ADK: variants seen among roughly 807,000 people sequenced by gnomAD.
The protein encoded by ADK is adenosine kinase, also known as N6,N6-dimethyladenosine kinase.
In ADK, 24 loss-of-function variants were observed where a neutral mutation model predicts 44.7. The ratio of observed to expected loss-of-function variants is 0.54; its 90% CI spans 0.39 to 0.76. The LOEUF is 0.76. ADK is among the 30% of genes least tolerant of loss of function. The pLI, the probability that ADK is intolerant of heterozygous loss-of-function variation, is 0.00. For synonymous variants in ADK, 128 were observed against 142.6 expected, an observed-to-expected ratio of 0.90 and a Z score of 0.73; for missense variants, 321 against 425.1, an observed-to-expected ratio of 0.76 and a Z score of 2.15.
chr10:74,241,649 GT>G (rs1845214080), intron 3 of ADK, among the ~76,000 whole-genome samples: 1 of 152,170 alleles, frequency 6.6e-6, no homozygotes, highest in African/African-American at 2.4e-5. Context: ...GCCTCCCAAA[GT>G]GCTGGGATTA....
intron 9 of ADK, among the ~76,000 whole-genome samples, chr10:74,652,398 A>G (rs1477970362): frequency 1.3e-5 from 2 of 152,108 alleles, no homozygotes; most frequent in Non-Finnish European, 2.9e-5. Context: ...AGAACTTTCT[A>G]CAGAACTATC....
At chr10:74,419,765 A>G (rs1836565762) in intron 6 of ADK, among the ~76,000 whole-genome samples, 1 of 152,216 alleles carries the variant, frequency 6.6e-6, no homozygotes, top group South Asian at 2.1e-4. Flanking sequence ...CATCGTTATT[A>G]CATTGAAGAC....
At position 74,440,980 on chromosome 10, in the gene ADK, T is replaced by C. The variant is rs181893984; in HGVS notation, c.555+42401T>C. Among the ~76,000 whole-genome samples, 336 of 152,298 alleles carry C rather than the reference T, an allele frequency of 2.2e-3. 5 individuals are homozygous for C. Among genetic ancestry groups the C allele is most frequent in the Admixed American group, 0.021 (322 of 15,300 alleles). On this transcript the variant is annotated intron_variant, in intron 6 of 10. Transcript: ENST00000539909. ...CATCTTCTAGGAAGAATAAGATCTA[T>C]TGTAATATAAACAAGAGTGATGAGT...
At chr10:74,581,055 CG>C (rs1851358451) in intron 7 of ADK, among the ~76,000 whole-genome samples, 2 of 143,918 alleles carry the variant, frequency 1.4e-5, no homozygotes, top group Non-Finnish European at 3.0e-5. Context: ...CACACACACA[CG>C]TATATATAAC....
chr10:74,705,977 C>T (rs1390270214), intron 10 of ADK, among the ~76,000 whole-genome samples: 2 of 152,056 alleles, frequency 1.3e-5, no homozygotes, highest in African/African-American at 4.8e-5. Context: ...TGAGTTGTTT[C>T]TTGTTATTGA....
At chr10:74,530,954 C>T (rs1019040059) in intron 7 of ADK, among the ~76,000 whole-genome samples, 2 of 152,070 alleles carry the variant, frequency 1.3e-5, no homozygotes, top group African/African-American at 4.8e-5. Context: ...CAAGTAGACC[C>T]TTGCAGTCTC....
intron 1 of ADK, among the ~76,000 whole-genome samples, chr10:74,184,107 G>A (rs1044449444): frequency 6.6e-6 from 1 of 151,744 alleles, no homozygotes; most frequent in Admixed American, 6.6e-5. Flanking sequence ...TAGTAGAGAC[G>A]GGGTTTCACA....
At chr10:74,354,043 C>A (rs1842055213) in intron 4 of ADK, among the ~76,000 whole-genome samples, 1 of 152,138 alleles carries the variant, frequency 6.6e-6, no homozygotes, top group Admixed American at 6.5e-5. Flanking sequence ...CAATTTAAAA[C>A]AGCATTTAAA....
intron 3 of ADK, among the ~76,000 whole-genome samples, chr10:74,273,789 G>A (rs980101120): frequency 6.6e-6 from 1 of 152,122 alleles, no homozygotes; most frequent in Non-Finnish European, 1.5e-5. Context: ...GGGATTGACT[G>A]CTAATAAACA....
chr10:74,596,604 G>A (rs915179881), intron 8 of ADK, among the ~76,000 whole-genome samples: 14 of 151,694 alleles, frequency 9.2e-5, no homozygotes, highest in Non-Finnish European at 1.9e-4. Context: ...GGAGTGCAGT[G>A]GCGTGATCTC....
intron 9 of ADK, among the ~76,000 whole-genome samples, chr10:74,662,731 TG>T (rs1469822504): frequency 6.6e-6 from 1 of 152,220 alleles, no homozygotes; most frequent in Non-Finnish European, 1.5e-5. Context: ...AGTCTTAGTT[TG>T]CCAAGCTTGT....
At chr10:74,349,637 A>G (rs769149432) in intron 4 of ADK, among the ~76,000 whole-genome samples, 1 of 152,190 alleles carries the variant, frequency 6.6e-6, no homozygotes, top group Non-Finnish European at 1.5e-5. Flanking sequence ...ATGAAGAGTC[A>G]AGATCCATCG....
chr10:74,500,244 A>C (rs1028135454), intron 6 of ADK, among the ~76,000 whole-genome samples: 24 of 152,106 alleles, frequency 1.6e-4, no homozygotes, highest in African/African-American at 5.6e-4. Flanking sequence ...TTTCTGCAAT[A>C]CAGTGTTCTG....
At chr10:74,266,578 A>G (rs1029474222) in intron 3 of ADK, among the ~76,000 whole-genome samples, 1 of 152,054 alleles carries the variant, frequency 6.6e-6, no homozygotes, top group Non-Finnish European at 1.5e-5. Context: ...AAAAGAAGAA[A>G]AAAAAAGGCA....
At chr10:74,327,991 C>A (rs1841078533) in intron 4 of ADK, among the ~76,000 whole-genome samples, 1 of 152,182 alleles carries the variant, frequency 6.6e-6, no homozygotes, top group South Asian at 2.1e-4. Flanking sequence ...TCACTGCAAC[C>A]TCCACCTCCC....
intron 7 of ADK, among the ~76,000 whole-genome samples, chr10:74,571,241 A>G (rs1205213505): frequency 2.6e-5 from 4 of 152,346 alleles, no homozygotes; most frequent in Admixed American, 2.0e-4. Context: ...ATATTGGTCT[A>G]AAATTCTCTT....
At chr10:74,568,824 G>A (rs375243653) in intron 7 of ADK, among the ~76,000 whole-genome samples, 3 of 151,492 alleles carry the variant, frequency 2.0e-5, no homozygotes, top group African/African-American at 4.9e-5. Flanking sequence ...TGTGCACAAC[G>A]TGCAGGTTAG....
At chr10:74,702,573 TCTCTCTCTCTCTGGTC>T (rs1564860551) in intron 10 of ADK, among the ~76,000 whole-genome samples, 14 of 142,440 alleles carry the variant, frequency 9.8e-5, no homozygotes, top group South Asian at 2.2e-4. Context: ...CCTTCCTTCC[TCTCTCTCTCTCTGGTC>T]TCTTTCTTTC....
chr10:74,524,828 T>C (rs867788653), intron 6 of ADK, among the ~76,000 whole-genome samples: 1 of 152,078 alleles, frequency 6.6e-6, no homozygotes, highest in Admixed American at 6.6e-5. Context: ...ATCCCAGGAG[T>C]TCAGGACCAG....
Sources: allele counts gnomAD v4.1 joint callset (sites outside exome capture counted in the v4.1 genomes callset), GRCh38; gene constraint gnomAD v4.1.1; transcripts MANE v1.5; gene names NCBI Gene and HGNC (gene_info 2026-07-23, HGNC 2026-07-21).